Variants in GPM6A observed in about 807,000 individuals in gnomAD.
GPM6A encodes glycoprotein M6A, also known as neuronal membrane glycoprotein M6-a.
Under a neutral mutation model 32.1 loss-of-function variants are expected in GPM6A, and 7 were observed. That is an observed-to-expected ratio of 0.22 (90% CI 0.12 to 0.41). GPM6A has a LOEUF of 0.41. Ranked by LOEUF, GPM6A falls within the 10% of genes least tolerant of loss-of-function variation. The probability of loss-of-function intolerance (pLI) is 1.00; values close to 1 mark genes in which losing one functional copy is unlikely to be tolerated. For synonymous variants in GPM6A, 130 were observed against 123.4 expected, an observed-to-expected ratio of 1.05 and a Z score of -0.35; for missense variants, 235 against 347.2, an observed-to-expected ratio of 0.68 and a Z score of 2.57.
intron 1 of GPM6A, among the ~76,000 whole-genome samples, chr4:175,925,418 T>C (rs1238615563): frequency 6.6e-6 from 1 of 152,182 alleles, no homozygotes; most frequent in Non-Finnish European, 1.5e-5. Flanking sequence ...ATGCTTCAAG[T>C]AGAAGCATAG....
chr4:175,961,867 A>C (rs975015492), intron 1 of GPM6A, among the ~76,000 whole-genome samples: 1 of 152,202 alleles, frequency 6.6e-6, no homozygotes, highest in Non-Finnish European at 1.5e-5. Context: ...TAAGCAGGGA[A>C]GGTACCTGCA....
chr4:175,703,112 C>T (rs1321265549), intron 1 of GPM6A, among the ~76,000 whole-genome samples: 1 of 152,134 alleles, frequency 6.6e-6, no homozygotes, highest in East Asian at 1.9e-4. Flanking sequence ...TAGTGCTTGA[C>T]ATAGAGTAAC....
chr4:175,986,949 C>T (rs1368220436), intron 1 of GPM6A, among the ~76,000 whole-genome samples: 1 of 152,118 alleles, frequency 6.6e-6, no homozygotes, highest in Non-Finnish European at 1.5e-5. Context: ...GGCTAGAAGG[C>T]CTTTTCCTTG....
chr4:175,876,326 A>T (rs1737084034), intron 1 of GPM6A, among the ~76,000 whole-genome samples: 1 of 152,164 alleles, frequency 6.6e-6, no homozygotes, highest in African/African-American at 2.4e-5. Flanking sequence ...TAATAATATG[A>T]CTCATGCAAT....
At chr4:175,727,622 T>C (rs1731233357) in intron 1 of GPM6A, among the ~76,000 whole-genome samples, 1 of 152,204 alleles carries the variant, frequency 6.6e-6, no homozygotes, top group Non-Finnish European at 1.5e-5. Flanking sequence ...AGTTAACTGA[T>C]TAGAAAACTC....
At chr4:175,730,466 CTCT>C (rs1731370235) in intron 1 of GPM6A, among the ~76,000 whole-genome samples, 1 of 138,304 alleles carries the variant, frequency 7.2e-6, no homozygotes, top group South Asian at 2.2e-4. Flanking sequence ...TGGTCTCGAT[CTCT>C]TCTTTTTTTT....
intron 1 of GPM6A, among the ~76,000 whole-genome samples, chr4:175,806,339 T>A (rs1734694176): frequency 6.6e-6 from 1 of 152,252 alleles, no homozygotes; most frequent in Non-Finnish European, 1.5e-5. Context: ...GTACTTCTCA[T>A]TTAGTCTCTT....
rs72704561 is a variant in GPM6A at position 175,969,715 on chromosome 4, A to G, written c.-23+32594T>C. 6.0e-3 allele frequency among the ~76,000 whole-genome samples: 915 copies of G among 152,284 alleles called. 10 individuals carry two copies. Among genetic ancestry groups the G allele is most frequent in the Middle Eastern group, 0.024 (7 of 294 alleles). ...AACAAAGCAAAACTCTGCTCAAATAATAAGAATAATAACAACAACAATATA... is the reference window on the plus strand; with the variant it reads ...AACAAAGCAAAACTCTGCTCAAATAGTAAGAATAATAACAACAACAATATA... On this transcript the variant is annotated intron_variant, in intron 1 of 7. Coordinates refer to the GPM6A transcript ENST00000280187.
At chr4:175,911,565 C>T (rs35558129) in intron 1 of GPM6A, among the ~76,000 whole-genome samples, 18 of 151,904 alleles carry the variant, frequency 1.2e-4, no homozygotes, top group South Asian at 4.2e-4. Flanking sequence ...ACTCTATTGA[C>T]GGAGGAACAA....
chr4:175,894,702 C>T (rs1737744669), intron 1 of GPM6A, among the ~76,000 whole-genome samples: 1 of 152,044 alleles, frequency 6.6e-6, no homozygotes, highest in Non-Finnish European at 1.5e-5. Context: ...ACAGAAACCC[C>T]TCAAAAATCT....
At chr4:175,636,362 G>T (rs1016481422) in intron 6 of GPM6A, among the ~76,000 whole-genome samples, 3 of 147,262 alleles carry the variant, frequency 2.0e-5, no homozygotes, top group African/African-American at 5.0e-5. Context: ...TTTTGTTGCT[G>T]TAAAATATCA....
chr4:175,947,332 G>C (rs540588695), intron 1 of GPM6A, among the ~76,000 whole-genome samples: 2 of 151,922 alleles, frequency 1.3e-5, no homozygotes, highest in African/African-American at 2.4e-5. Context: ...GGAAAACTTC[G>C]ACTGAAGAAA....
chr4:175,743,286 G>A (rs1731963044), intron 1 of GPM6A, among the ~76,000 whole-genome samples: 1 of 152,002 alleles, frequency 6.6e-6, no homozygotes, highest in African/African-American at 2.4e-5. Context: ...TTAAAGTAGT[G>A]TAGATTCCAG....
At chr4:175,739,322 T>G (rs1731789180) in intron 1 of GPM6A, among the ~76,000 whole-genome samples, 2 of 152,140 alleles carry the variant, frequency 1.3e-5, no homozygotes, top group African/African-American at 4.8e-5. Context: ...AATAATAAAT[T>G]TGATGCATTT....
intron 1 of GPM6A, among the ~76,000 whole-genome samples, chr4:175,993,285 T>C (rs537574511): frequency 1.1e-3 from 167 of 152,220 alleles, no homozygotes; most frequent in African/African-American, 3.9e-3. Flanking sequence ...CTGATATAAA[T>C]GAAAAAACCC....
At chr4:175,794,117 G>T (rs62336052) in intron 1 of GPM6A, among the ~76,000 whole-genome samples, 15,339 of 152,196 alleles carry the variant, frequency 0.1, 863 homozygotes, top group South Asian at 0.14. Context: ...GGCCTAAGAA[G>T]CAACTTCACC....
At chr4:175,668,809 T>A (rs1742893006) in intron 3 of GPM6A, among the ~76,000 whole-genome samples, 1 of 152,160 alleles carries the variant, frequency 6.6e-6, no homozygotes, top group South Asian at 2.1e-4. Flanking sequence ...CAGTGAATGA[T>A]CTTACTAAGA....
At chr4:175,877,636 T>C (rs1737126899) in intron 1 of GPM6A, among the ~76,000 whole-genome samples, 1 of 152,120 alleles carries the variant, frequency 6.6e-6, no homozygotes, top group African/African-American at 2.4e-5. Flanking sequence ...ATCTCCATGA[T>C]TCAGTTATCT....
intron 1 of GPM6A, among the ~76,000 whole-genome samples, chr4:175,855,155 C>G (rs1736378932): frequency 6.6e-6 from 1 of 152,084 alleles, no homozygotes; most frequent in South Asian, 2.1e-4. Flanking sequence ...AAATTTCTAG[C>G]AGGCAATCAA....
Sources: gnomAD v4.1 joint callset for allele counts (sites outside exome capture counted in the v4.1 genomes callset) on GRCh38, gnomAD v4.1.1 for gene constraint, MANE v1.5 for transcripts, NCBI Gene and HGNC (gene_info 2026-07-23, HGNC 2026-07-21) for gene names.